CGGBP1: variants seen among roughly 807,000 people sequenced by gnomAD.
The protein encoded by CGGBP1 is CGG triplet repeat binding protein 1, also known as CGG triplet repeat-binding protein 1.
CGGBP1 carries 4 observed loss-of-function variants against 11.4 expected under a neutral mutation model. The ratio of observed to expected loss-of-function variants is 0.35; its 90% CI spans 0.17 to 0.80. CGGBP1 has a LOEUF of 0.80. Ranked by LOEUF, CGGBP1 falls within the 30% of genes least tolerant of loss-of-function variation. The probability of loss-of-function intolerance (pLI) is 0.52; values close to 1 mark genes in which losing one functional copy is unlikely to be tolerated. For missense variants in CGGBP1, 135 were observed against 202.1 expected, an observed-to-expected ratio of 0.67 and a Z score of 2.01; for synonymous variants, 76 against 74.1, an observed-to-expected ratio of 1.03 and a Z score of -0.13.
At chr3:88,135,783 A>G (rs1448546544) in intron 2 of CGGBP1, among the ~76,000 whole-genome samples, 7 of 152,116 alleles carry the variant, frequency 4.6e-5, no homozygotes, top group Admixed American at 3.9e-4. Flanking sequence ...GATCCTGCAG[A>G]TCTTTTAGTT....
chr3:88,087,017 C>T (rs535455827), intron 2 of CGGBP1, among the ~76,000 whole-genome samples: 6 of 152,064 alleles, frequency 3.9e-5, no homozygotes, highest in East Asian at 3.9e-4. Flanking sequence ...CTCCTGACCT[C>T]GTGATCTGCC....
upstream of CGGBP1, chr3:88,059,373 G>T: frequency 1.3e-6 from 2 of 1,535,382 alleles, no homozygotes; most frequent in Non-Finnish European, 1.7e-6. Flanking sequence ...AAGAGCTTGT[G>T]GCCATTGTGG....
chr3:88,139,261 C>G, intron 2 of CGGBP1: 4 of 1,533,866 alleles, frequency 2.6e-6, no homozygotes, highest in Non-Finnish European at 3.5e-6. Context: ...AAAAATCTTA[C>G]AGCTCTCAGT....
intron 2 of CGGBP1, among the ~76,000 whole-genome samples, chr3:88,118,332 AGGC>A (rs1705539084): frequency 1.3e-5 from 2 of 150,624 alleles, no homozygotes; most frequent in African/African-American, 5.0e-5. Context: ...CCCAAGCAGG[AGGC>A]TCAACGCTAT....
chr3:88,106,978 C>G (rs531399717), intron 2 of CGGBP1, among the ~76,000 whole-genome samples: 1 of 152,192 alleles, frequency 6.6e-6, no homozygotes, highest in South Asian at 2.1e-4. Context: ...TTTGTCTGTT[C>G]GTGTGCCAAC....
At position 88,053,969 on chromosome 3, in the gene CGGBP1, T is replaced by C. The variant is rs144941160; in HGVS notation, c.*1504A>G. On this transcript the variant is annotated 3_prime_UTR_variant, in exon 4 of 4. Transcript: ENST00000482016. Reference sequence around the variant, plus strand: ...ATGAAAACAAATCTCTGAAGTCAAATGGCCAGTTTGACAACCTGAATTAGA... The same window carrying C: ...ATGAAAACAAATCTCTGAAGTCAAACGGCCAGTTTGACAACCTGAATTAGA... The C allele has an allele frequency of 5.2e-5, 8 of 152,674 alleles. No homozygotes were observed. The highest frequency in any genetic ancestry group is 1.2e-4 in the Non-Finnish European group (8 of 67,976). The allele number at this position is 152,674 out of a possible 1,614,324, so 9.5% of individuals were successfully genotyped here.
In CGGBP1 at chr3:88,065,923, C is replaced by T. The variant is rs1289638029; in HGVS notation, c.-228-7700G>A. On this transcript the variant is annotated intron_variant, in intron 2 of 3. Transcript: ENST00000462901. ...TAAATTTTTGTAGTTTTAGTAGAGA[C>T]GAGGTTTTACCATGATCTGCAGGCT... Among the ~76,000 whole-genome samples, 8 of 152,172 alleles carry T rather than the reference C, an allele frequency of 5.3e-5. No homozygotes were observed. The South Asian group carries it at 8.3e-4, about 16-fold the overall frequency.
chr3:88,065,892 C>G (rs563668097), intron 2 of CGGBP1, among the ~76,000 whole-genome samples: 1 of 152,036 alleles, frequency 6.6e-6, no homozygotes, highest in Non-Finnish European at 1.5e-5. Flanking sequence ...CACCACCATG[C>G]CCGGCTAAAT....
intron 2 of CGGBP1, among the ~76,000 whole-genome samples, chr3:88,087,322 A>G (rs1326434165): frequency 2.6e-5 from 4 of 152,072 alleles, no homozygotes; most frequent in Non-Finnish European, 4.4e-5. Flanking sequence ...TGATCTGCCC[A>G]CCTTGGCCTT....
intron 2 of CGGBP1, among the ~76,000 whole-genome samples, chr3:88,070,854 C>T (rs1005576337): frequency 1.3e-5 from 2 of 152,098 alleles, no homozygotes; most frequent in Non-Finnish European, 2.9e-5. Context: ...CCTTAAGACA[C>T]ACAGCTAGAA....
rs1706484336 is a variant in CGGBP1 at position 88,053,898 on chromosome 3, T to A, written c.*1575A>T. 6.6e-6 allele frequency: 1 copy of A among 152,572 alleles called. No homozygotes were observed. Among genetic ancestry groups the A allele is most frequent in the Non-Finnish European group, 1.5e-5 (1 of 67,994 alleles). The allele number at this position is 152,572 out of a possible 1,614,324, so 9.5% of individuals were successfully genotyped here. On this transcript the variant is annotated 3_prime_UTR_variant, in exon 4 of 4. Transcript: ENST00000482016. ...CATAACTGAACATGAGGAAAACAGT[T>A]CACATTTTGATAAGTGATTTATTTT...
At chr3:88,087,818 C>T (rs1045457254) in intron 2 of CGGBP1, among the ~76,000 whole-genome samples, 42 of 152,280 alleles carry the variant, frequency 2.8e-4, no homozygotes, top group African/African-American at 9.4e-4. Context: ...CCAGGCCTTA[C>T]GGACAGGTTG....
chr3:88,125,781 A>G (rs1252623583), intron 2 of CGGBP1, among the ~76,000 whole-genome samples: 5 of 152,146 alleles, frequency 3.3e-5, no homozygotes, highest in East Asian at 1.9e-4. Context: ...CTTGCCTGCC[A>G]TTGTTAAGAG....
chr3:88,126,314 A>G (rs1323472831), intron 2 of CGGBP1: 1 of 1,409,776 alleles, frequency 7.1e-7, no homozygotes, highest in Non-Finnish European at 9.3e-7. Flanking sequence ...GTGAGAAGCA[A>G]ATACACTTTC....
chr3:88,129,039 T>C, intron 2 of CGGBP1: 1 of 1,499,960 alleles, frequency 6.7e-7, no homozygotes, highest in Non-Finnish European at 8.9e-7. Flanking sequence ...TTTTGCCTAT[T>C]ACCATTTTAA....
At position 88,054,361 on chromosome 3, in the gene CGGBP1, T is replaced by C. The variant is rs1706492933; in HGVS notation, c.*1112A>G. 6.6e-6 allele frequency: 1 copy of C among 152,208 alleles called. No homozygotes were observed. Among genetic ancestry groups the C allele is most frequent in the Non-Finnish European group, 1.5e-5 (1 of 68,028 alleles). 9.4% of individuals were successfully genotyped at this position (152,208 alleles called of 1,614,324 possible). A position where few individuals can be genotyped will look rare whatever the true frequency, so the allele number is the denominator to read the frequency against. On this transcript the variant is annotated 3_prime_UTR_variant, in exon 4 of 4. Coordinates refer to ENST00000482016, the MANE Select transcript of CGGBP1 (RefSeq NM_001008390.2). ...TCATTTCCTGAACATGGCTGATCTT[T>C]AAGAGAACAATTTCCTCACCCAAAG...
rs765491047 is a variant in CGGBP1 at position 88,087,452 on chromosome 3, T to C, written c.-228-29229A>G. 4.5e-4 allele frequency among the ~76,000 whole-genome samples: 69 copies of C among 152,184 alleles called. 1 individual carries two copies. The highest frequency in any genetic ancestry group is 2.1e-4 in the Non-Finnish European group (14 of 68,026). On this transcript the variant is annotated intron_variant, in intron 2 of 3. Transcript: ENST00000462901. ...AAAACTGAACATTTGTGATTATGCC[T>C]TCTGCCCTCCTAAGAACCCACTAAA...
At chr3:88,126,118 G>T (rs1431043046) in intron 2 of CGGBP1, 9 of 1,466,634 alleles carry the variant, frequency 6.1e-6, no homozygotes, top group African/African-American at 1.4e-5. Context: ...GAGCCAAAAT[G>T]ATTTTTCTCT....
intron 2 of CGGBP1, among the ~76,000 whole-genome samples, chr3:88,072,563 A>G (rs555259969): frequency 3.3e-5 from 5 of 152,256 alleles, no homozygotes; most frequent in African/African-American, 1.2e-4. Flanking sequence ...TTTGGATATT[A>G]TATAGTTTGC....
Sources: allele counts gnomAD v4.1 joint callset (sites outside exome capture counted in the v4.1 genomes callset), GRCh38; gene constraint gnomAD v4.1.1; transcripts MANE v1.5; gene names NCBI Gene and HGNC (gene_info 2026-07-23, HGNC 2026-07-21).